The following SEMA3E variants were observed in gnomAD, a reference collection of about 807,000 sequenced individuals.
SEMA3E encodes the protein semaphorin-3E.
Under a neutral mutation model 93.6 loss-of-function variants are expected in SEMA3E, and 49 were observed. The observed-to-expected ratio is 0.52, with a 90% CI of 0.42 to 0.66. The LOEUF is 0.66. Among genes scored for constraint, SEMA3E ranks in the 30% least tolerant of loss-of-function variants. The pLI, the probability that SEMA3E is intolerant of heterozygous loss-of-function variation, is 0.00. For synonymous variants in SEMA3E, 363 were observed against 330.7 expected (o/e 1.10, Z -1.06); for missense variants, 906 against 964.8 (o/e 0.94, Z 0.81).
chr7:83,390,055 G>A lies in SEMA3E; in HGVS notation c.1667+2500C>T, dbSNP rs201439983. On this transcript the variant is annotated intron_variant, in intron 14 of 16. Transcript: ENST00000643230. ...CGTATACACATATATGCGCGTATAC[G>A]TGTGCACATATATGCGCGTATACGT... Among the ~76,000 whole-genome samples, 16 of 125,846 alleles carry A rather than the reference G, an allele frequency of 1.3e-4. 1 individual carries two copies. The highest frequency in any genetic ancestry group is 1.1e-3 in the East Asian group (5 of 4,396). 82.6% of individuals were successfully genotyped at this position (125,846 alleles called of 152,430 possible).
intron 1 of SEMA3E, among the ~76,000 whole-genome samples, chr7:83,572,376 A>G (rs896764651): frequency 3.3e-5 from 5 of 152,050 alleles, no homozygotes; most frequent in Admixed American, 3.3e-4. Flanking sequence ...ACAAAAACGG[A>G]TACACTGTAA....
intron 1 of SEMA3E, among the ~76,000 whole-genome samples, chr7:83,623,638 A>T (rs1304150987): frequency 6.6e-6 from 1 of 152,064 alleles, no homozygotes. Context: ...CTTCACATTT[A>T]ACATGAATTT....
chr7:83,627,628 C>CTTTTTTTTTTTTT (rs746550123), intron 1 of SEMA3E, among the ~76,000 whole-genome samples: 20 of 65,352 alleles, frequency 3.1e-4, no homozygotes, highest in African/African-American at 4.2e-4. Flanking sequence ...GCAACCCCTG[C>CTTTTTTTTTTTTT]TTTTTTTTTT....
chr7:83,613,202 C>A (rs1390266137), intron 1 of SEMA3E, among the ~76,000 whole-genome samples: 2 of 151,950 alleles, frequency 1.3e-5, no homozygotes, highest in Non-Finnish European at 2.9e-5. Context: ...ACAATGGAGA[C>A]CCTGCCTTTT....
chr7:83,571,894 A>G (rs774985291), intron 1 of SEMA3E, among the ~76,000 whole-genome samples: 14 of 152,162 alleles, frequency 9.2e-5, no homozygotes, highest in Non-Finnish European at 1.9e-4. Flanking sequence ...TACAAAATCA[A>G]TGTATAAACA....
chr7:83,641,037 T>C (rs951956636), intron 1 of SEMA3E, among the ~76,000 whole-genome samples: 1 of 152,080 alleles, frequency 6.6e-6, no homozygotes, highest in African/African-American at 2.4e-5. Flanking sequence ...AACTGATGTG[T>C]CAGGAGGGTG....
chr7:83,542,632 A>G (rs906331314), intron 1 of SEMA3E, among the ~76,000 whole-genome samples: 6 of 152,148 alleles, frequency 3.9e-5, no homozygotes, highest in African/African-American at 1.4e-4. Context: ...TAAAACTTGA[A>G]ATAACATGTA....
chr7:83,492,527 T>G (rs1014955565), intron 1 of SEMA3E, among the ~76,000 whole-genome samples: 2 of 152,138 alleles, frequency 1.3e-5, no homozygotes, highest in Admixed American at 6.6e-5. Flanking sequence ...CTTATTTTAT[T>G]CTGGTGTATC....
At chr7:83,539,436 A>G (rs1244125434) in intron 1 of SEMA3E, among the ~76,000 whole-genome samples, 1 of 152,114 alleles carries the variant, frequency 6.6e-6, no homozygotes, top group Non-Finnish European at 1.5e-5. Context: ...CTTTCAGCAA[A>G]TCTTCCTATG....
intron 1 of SEMA3E, among the ~76,000 whole-genome samples, chr7:83,537,637 C>G (rs939890257): frequency 6.6e-6 from 1 of 152,180 alleles, no homozygotes; most frequent in African/African-American, 2.4e-5. Flanking sequence ...CCTTCAATCT[C>G]TAAACAATAT....
chr7:83,496,320 G>A (rs571098719), intron 1 of SEMA3E, among the ~76,000 whole-genome samples: 3 of 151,914 alleles, frequency 2.0e-5, no homozygotes, highest in Non-Finnish European at 4.4e-5. Context: ...TGTCAGAAAT[G>A]AATGCATTTT....
In SEMA3E at chr7:83,648,664, C is replaced by T; in HGVS notation, c.-122G>A. Reference sequence around the variant, plus strand: ...TGTCAGAAATCGAACGCGTTGTCATCAGAAAGCACAGTTCCGAAGTGCCAT... The same window carrying T: ...TGTCAGAAATCGAACGCGTTGTCATTAGAAAGCACAGTTCCGAAGTGCCAT... On this transcript the variant is annotated 5_prime_UTR_variant, in exon 1 of 17. It removes the in-frame stop codon of an upstream open reading frame in the 5' UTR. Transcript: ENST00000643230. 1.3e-6 allele frequency: 1 copy of T among 750,302 alleles called. No individual in the cohort carries two copies. Among genetic ancestry groups the T allele is most frequent in the South Asian group, 1.5e-5 (1 of 67,952 alleles). The allele number at this position is 750,302 out of a possible 1,614,324, so 46.5% of individuals were successfully genotyped here.
chr7:83,551,319 C>T (rs1381826973), intron 1 of SEMA3E, among the ~76,000 whole-genome samples: 3 of 152,064 alleles, frequency 2.0e-5, no homozygotes, highest in Non-Finnish European at 4.4e-5. Context: ...AATATAGCTA[C>T]TCTCAACAGT....
chr7:83,454,145 C>A (rs1789424834), intron 4 of SEMA3E, among the ~76,000 whole-genome samples: 1 of 149,872 alleles, frequency 6.7e-6, no homozygotes, highest in Non-Finnish European at 1.5e-5. Context: ...GTAGTCCCAG[C>A]TACTCGGGAG....
rs1008526728 is a variant in SEMA3E, at chr7:83,500,542, ATATTT to A, written c.116-10273_116-10269del. 5.0e-4 allele frequency among the ~76,000 whole-genome samples: 74 copies of A among 148,774 alleles called. 1 individual carries two copies. The highest frequency in any genetic ancestry group is 1.8e-3 in the African/African-American group (71 of 40,552). ...AATGCTTTCAGTAGTACAATAGCCC[ATATTT>A]TATAGGTATGATCATCATCTATACA... On this transcript the variant is annotated intron_variant, in intron 1 of 16. Coordinates refer to ENST00000643230, the MANE Select transcript of SEMA3E (RefSeq NM_012431.3).
intron 4 of SEMA3E, among the ~76,000 whole-genome samples, chr7:83,443,023 G>A (rs1789150502): frequency 6.6e-6 from 1 of 152,160 alleles, no homozygotes; most frequent in South Asian, 2.1e-4. Context: ...GGAATACAGA[G>A]AGAAGAGACT....
At chr7:83,592,269 C>A (rs991064713) in intron 1 of SEMA3E, among the ~76,000 whole-genome samples, 1 of 151,902 alleles carries the variant, frequency 6.6e-6, no homozygotes, top group South Asian at 2.1e-4. Context: ...ATGCTAAAAT[C>A]TGGACTGAAG....
At chr7:83,624,175 C>A (rs1032472404) in intron 1 of SEMA3E, among the ~76,000 whole-genome samples, 1 of 152,118 alleles carries the variant, frequency 6.6e-6, no homozygotes, top group Non-Finnish European at 1.5e-5. Context: ...AACAGTGCTG[C>A]AATAAACATA....
chr7:83,606,964 T>G (rs1793137845), intron 1 of SEMA3E, among the ~76,000 whole-genome samples: 2 of 152,032 alleles, frequency 1.3e-5, no homozygotes, highest in Non-Finnish European at 2.9e-5. Flanking sequence ...GTAGGCTACT[T>G]AAAGTATAAT....
Sources: gnomAD v4.1 joint callset for allele counts (sites outside exome capture counted in the v4.1 genomes callset) on GRCh38, gnomAD v4.1.1 for gene constraint, MANE v1.5 for transcripts, NCBI Gene and HGNC (gene_info 2026-07-23, HGNC 2026-07-21) for gene names.